KIAA1549L: variants seen among roughly 807,000 people sequenced by gnomAD.
KIAA1549L encodes UPF0606 protein KIAA1549L.
In KIAA1549L, 88 loss-of-function variants were observed where a neutral mutation model predicts 160.7. The ratio of observed to expected loss-of-function variants is 0.55; its 90% CI spans 0.46 to 0.65. KIAA1549L has a LOEUF of 0.65. KIAA1549L is among the 30% of genes least tolerant of loss of function. The probability of loss-of-function intolerance (pLI) is 0.00; values close to 1 mark genes in which losing one functional copy is unlikely to be tolerated. For synonymous variants in KIAA1549L, 950 were observed against 976.7 expected (o/e 0.97, Z 0.51); for missense variants, 2,258 against 2,437.5 (o/e 0.93, Z 1.55).
At chr11:33,583,083 A>G (rs1488698285) in intron 10 of KIAA1549L, among the ~76,000 whole-genome samples, 2 of 152,192 alleles carry the variant, frequency 1.3e-5, no homozygotes, top group African/African-American at 4.8e-5. Flanking sequence ...TTACTGAGCA[A>G]CTACTAGAGA....
chr11:33,408,938 C>CG (rs1172396579), intron 1 of KIAA1549L, among the ~76,000 whole-genome samples: 2 of 132,680 alleles, frequency 1.5e-5, no homozygotes, highest in African/African-American at 5.9e-5. Flanking sequence ...TGACAGAGCG[C>CG]GACTCCATCT....
intron 1 of KIAA1549L, among the ~76,000 whole-genome samples, chr11:33,461,919 A>T (rs1329477991): frequency 1.3e-5 from 2 of 152,184 alleles, no homozygotes; most frequent in Non-Finnish European, 1.5e-5. Flanking sequence ...CCTCATCAGG[A>T]CACAGTGCTG....
intron 1 of KIAA1549L, among the ~76,000 whole-genome samples, chr11:33,492,076 A>G (rs909823752): frequency 2.0e-5 from 3 of 152,162 alleles, no homozygotes; most frequent in East Asian, 1.9e-4. Context: ...CATACATGCA[A>G]AATTTTGCTG....
At chr11:33,653,083 T>G (rs1045662577) in intron 17 of KIAA1549L, among the ~76,000 whole-genome samples, 4 of 152,236 alleles carry the variant, frequency 2.6e-5, no homozygotes, top group Admixed American at 2.6e-4. Context: ...GATAACAGCC[T>G]GAGTTGCCTT....
chr11:33,484,696 G>A (rs557192364), intron 1 of KIAA1549L, among the ~76,000 whole-genome samples: 81 of 152,270 alleles, frequency 5.3e-4, no homozygotes, highest in African/African-American at 1.9e-3. Flanking sequence ...CTGCTGGTGT[G>A]GAAAGCTGTA....
intron 10 of KIAA1549L, among the ~76,000 whole-genome samples, chr11:33,579,077 C>G (rs146257824): frequency 2.0e-5 from 3 of 152,168 alleles, no homozygotes; most frequent in African/African-American, 7.2e-5. Flanking sequence ...GTAACCCAGG[C>G]CCAGCCCCTG....
intron 10 of KIAA1549L, among the ~76,000 whole-genome samples, chr11:33,575,305 G>A (rs1327760154): frequency 2.6e-5 from 4 of 152,258 alleles, no homozygotes; most frequent in Non-Finnish European, 5.9e-5. Flanking sequence ...TAATGCAGGT[G>A]CAGTGGCACA....
At chr11:33,570,973 A>T (rs2133239563) in intron 9 of KIAA1549L, among the ~76,000 whole-genome samples, 1 of 152,276 alleles carries the variant, frequency 6.6e-6, no homozygotes, top group Admixed American at 6.5e-5. Context: ...CTCTTAGATG[A>T]TCACAAACTG....
intron 10 of KIAA1549L, among the ~76,000 whole-genome samples, chr11:33,581,484 C>T (rs551797751): frequency 2.0e-5 from 3 of 151,476 alleles, no homozygotes; most frequent in East Asian, 1.9e-4. Flanking sequence ...AACTCGGAAC[C>T]GACTTTAACT....
chr11:33,546,684 C>T (rs915219635), intron 3 of KIAA1549L, among the ~76,000 whole-genome samples: 1 of 152,190 alleles, frequency 6.6e-6, no homozygotes, highest in African/African-American at 2.4e-5. Flanking sequence ...TTTCCCATTG[C>T]CCTTAGGACC....
intron 12 of KIAA1549L, among the ~76,000 whole-genome samples, chr11:33,598,190 T>TGTGTG (rs1850255434): frequency 1.5e-5 from 2 of 135,102 alleles, no homozygotes; most frequent in African/African-American, 5.4e-5. Flanking sequence ...GAGAGAATGT[T>TGTGTG]TGTGTGTGTG....
At chr11:33,667,535 G>A (rs1027250371) in intron 20 of KIAA1549L, among the ~76,000 whole-genome samples, 2 of 152,038 alleles carry the variant, frequency 1.3e-5, no homozygotes, top group African/African-American at 4.8e-5. Context: ...TGGGACTACA[G>A]GCGCATGCCA....
chr11:33,532,494 A>G (rs1015835842), intron 1 of KIAA1549L, among the ~76,000 whole-genome samples: 7 of 152,234 alleles, frequency 4.6e-5, no homozygotes, highest in African/African-American at 1.7e-4. Context: ...CCTTAAAACC[A>G]TTCGTGAGGT....
At chr11:33,534,638 G>A (rs926744211) in intron 1 of KIAA1549L, among the ~76,000 whole-genome samples, 1 of 152,020 alleles carries the variant, frequency 6.6e-6, no homozygotes, top group East Asian at 1.9e-4. Context: ...ATTTCAATGC[G>A]TTTGCTGGTG....
At chr11:33,631,801 A>G (rs1851296858) in intron 16 of KIAA1549L, among the ~76,000 whole-genome samples, 1 of 152,120 alleles carries the variant, frequency 6.6e-6, no homozygotes. Flanking sequence ...TTATTTCCCC[A>G]TGCAACTCCT....
intron 1 of KIAA1549L, among the ~76,000 whole-genome samples, chr11:33,423,544 A>T (rs1324987495): frequency 6.6e-6 from 1 of 152,264 alleles, no homozygotes; most frequent in Non-Finnish European, 1.5e-5. Flanking sequence ...CAGCAGAAAC[A>T]GTAGCCAACA....
intron 1 of KIAA1549L, among the ~76,000 whole-genome samples, chr11:33,396,581 G>T (rs185886947): frequency 6.6e-6 from 1 of 152,196 alleles, no homozygotes; most frequent in Admixed American, 6.5e-5. Context: ...GCCTAAAGTA[G>T]GTAGAGTGAA....
chr11:33,583,524 G>C, intron 11 of KIAA1549L, 23 bp downstream of exon 11: 3 of 1,556,496 alleles, frequency 1.9e-6, no homozygotes, highest in Non-Finnish European at 2.6e-6. Flanking sequence ...GGTGGGGAGA[G>C]GGGCAGGAGG....
At chr11:33,432,045 G>A (rs1374014546) in intron 1 of KIAA1549L, among the ~76,000 whole-genome samples, 2 of 152,312 alleles carry the variant, frequency 1.3e-5, no homozygotes, top group Non-Finnish European at 2.9e-5. Context: ...CGAGTGCGGG[G>A]CCTGCCAAGC....
Sources: gnomAD v4.1 joint callset for allele counts (sites outside exome capture counted in the v4.1 genomes callset) on GRCh38, gnomAD v4.1.1 for gene constraint, MANE v1.5 for transcripts, NCBI Gene and HGNC (gene_info 2026-07-23, HGNC 2026-07-21) for gene names.